TRIB2: variants seen among roughly 807,000 people sequenced by gnomAD.
The protein encoded by TRIB2 is tribbles pseudokinase 2.
In TRIB2, 2 loss-of-function variants were observed where a neutral mutation model predicts 26.8. The observed-to-expected ratio is 0.07, with a 90% confidence interval of 0.03 to 0.24. The LOEUF (loss-of-function observed/expected upper bound fraction) is 0.24. TRIB2 is among the 10% of genes least tolerant of loss of function. The pLI, the probability that TRIB2 is intolerant of heterozygous loss-of-function variation, is 1.00. For missense variants in TRIB2, 306 were observed against 449.0 expected (o/e 0.68, Z 2.88); for synonymous variants, 189 against 187.3 (o/e 1.01, Z -0.08).
intron 2 of TRIB2, among the ~76,000 whole-genome samples, chr2:12,728,391 C>G (rs559214116): frequency 6.6e-6 from 1 of 152,034 alleles, no homozygotes; most frequent in African/African-American, 2.4e-5. Flanking sequence ...TGCGAAGAGC[C>G]CTTTGAGCAG....
chr2:12,718,314 A>T lies in TRIB2; in HGVS notation c.7A>T (p.Ile3Leu), dbSNP rs751185195. ...GTGTGCGATCCTCACACTCATGAAC[A>T]TACACAGGTCTACCCCCATCACAAT... MN[I>L]HRSTPITIAR... The change falls in exon 1 of 3, where the codon ATA (isoleucine) becomes TTA (leucine). Residue 3 changes from isoleucine to leucine, a missense_variant. Transcript: ENST00000155926. The surrounding 1 kb of genome is among the most constrained non-coding windows in gnomAD (Gnocchi z 4.0). The T allele has an allele frequency of 1.2e-6, 2 of 1,613,788 alleles. No individual in the cohort carries two copies. The highest frequency in any genetic ancestry group is 2.7e-5 in the African/African-American group (2 of 75,014).
intron 2 of TRIB2, among the ~76,000 whole-genome samples, chr2:12,726,872 C>G (rs1015553225): frequency 6.6e-6 from 1 of 152,222 alleles, no homozygotes; most frequent in African/African-American, 2.4e-5. Flanking sequence ...TGCCTATGGG[C>G]TGACTCCTTG....
intron 2 of TRIB2, among the ~76,000 whole-genome samples, chr2:12,729,798 C>G (rs558640928): frequency 6.6e-6 from 1 of 152,116 alleles, no homozygotes; most frequent in Non-Finnish European, 1.5e-5. Flanking sequence ...TCAAGCAAAC[C>G]AAGCAGAGGC....
At chr2:12,719,229 C>A (rs1489055108) in intron 1 of TRIB2, among the ~76,000 whole-genome samples, 1 of 152,080 alleles carries the variant, frequency 6.6e-6, no homozygotes, top group Non-Finnish European at 1.5e-5. Context: ...GGTCTCTCTC[C>A]CCATCTCTAG....
chr2:12,732,438 A>C lies in TRIB2; in HGVS notation c.564-7888A>C, dbSNP rs1052146541. Among the ~76,000 whole-genome samples the C allele has an allele frequency of 6.6e-6, 1 of 152,108 alleles. No individual in the cohort carries two copies. Among genetic ancestry groups the C allele is most frequent in the African/African-American group, 2.4e-5 (1 of 41,416 alleles). On this transcript the variant is annotated intron_variant, in intron 2 of 2. Coordinates refer to ENST00000155926, the MANE Select transcript of TRIB2 (RefSeq NM_021643.4). The surrounding 1 kb of genome is among the most constrained non-coding windows in gnomAD (Gnocchi z 4.2). ...TTGTGTGGTGTTGTAAGGTCACAAGAGGCATATTCTCTCCCTATAGACATC... is the reference window on the plus strand; with the variant it reads ...TTGTGTGGTGTTGTAAGGTCACAAGCGGCATATTCTCTCCCTATAGACATC...
chr2:12,728,289 C>T (rs1661376712), intron 2 of TRIB2, among the ~76,000 whole-genome samples: 1 of 151,958 alleles, frequency 6.6e-6, no homozygotes, highest in Non-Finnish European at 1.5e-5. Context: ...CACAGTCAGC[C>T]ATCAGCAGAC....
intron 2 of TRIB2, among the ~76,000 whole-genome samples, chr2:12,724,138 A>G (rs1049614792): frequency 1.3e-5 from 2 of 152,164 alleles, no homozygotes; most frequent in Admixed American, 6.5e-5. Flanking sequence ...TTGGAGAGTC[A>G]AGGAAGGTTT....
chr2:12,735,202 A>G (rs965475609), intron 2 of TRIB2, among the ~76,000 whole-genome samples: 3 of 151,486 alleles, frequency 2.0e-5, no homozygotes, highest in Non-Finnish European at 4.4e-5. Context: ...ACAAGTTCAC[A>G]GTGTTCTGAG....
chr2:12,731,226 T>C (rs1661446539), intron 2 of TRIB2, among the ~76,000 whole-genome samples: 1 of 152,046 alleles, frequency 6.6e-6, no homozygotes, highest in African/African-American at 2.4e-5. Context: ...AGTGCTGTAG[T>C]AGGGATGGGG....
chr2:12,735,674 G>A (rs6719048), intron 2 of TRIB2, among the ~76,000 whole-genome samples: 39,249 of 152,046 alleles, frequency 0.26, 7,133 homozygotes, highest in African/African-American at 0.51. Context: ...GACATCTGCC[G>A]TTTGGTACTT....
In TRIB2 at chr2:12,741,521, G is replaced by A. The variant is rs1661712708; in HGVS notation, c.*727G>A. 6.6e-6 allele frequency: 1 copy of A among 152,248 alleles called. No homozygotes were observed. The highest frequency in any genetic ancestry group is 1.5e-5 in the Non-Finnish European group (1 of 68,042). The allele number at this position is 152,248 out of a possible 1,614,324, so 9.4% of individuals were successfully genotyped here. On this transcript the variant is annotated 3_prime_UTR_variant, in exon 3 of 3. Coordinates refer to ENST00000155926, the MANE Select transcript of TRIB2 (RefSeq NM_021643.4). ...GGCAGGAAGCTATTAGAAGTCAAAC[G>A]TCCAGATGCATTACTGCTATCTTAG...
chr2:12,718,266 C>T lies in TRIB2; in HGVS notation c.-42C>T. The stretch of plus-strand genomic sequence containing the variant: ...CGCACTCGCCAGCGACTCATCTCTC[C>T]AGCGGGTTTTTTTTTGTTTGTCGTG... On this transcript the variant is annotated 5_prime_UTR_variant, in exon 1 of 3. Coordinates refer to ENST00000155926, the MANE Select transcript of TRIB2 (RefSeq NM_021643.4). This position sits in a 1 kb window ranked among gnomAD's most constrained non-coding sequence, Gnocchi z 4.0. 1.3e-6 allele frequency: 2 copies of T among 1,590,722 alleles called. No individual in the cohort carries two copies. Among genetic ancestry groups the T allele is most frequent in the East Asian group, 4.5e-5 (2 of 44,496 alleles).
chr2:12,731,211 G>A (rs1354302719), intron 2 of TRIB2, among the ~76,000 whole-genome samples: 6 of 152,164 alleles, frequency 3.9e-5, no homozygotes, highest in Admixed American at 3.9e-4. Context: ...CACGAGGTTG[G>A]CTTGAGTGCT....
rs575567873 is a variant in TRIB2 at position 12,733,145 on chromosome 2, T to G, written c.564-7181T>G. 9.2e-5 allele frequency among the ~76,000 whole-genome samples: 14 copies of G among 152,256 alleles called. No homozygotes were observed. In the South Asian group the frequency reaches 2.9e-3, roughly 32 times the overall value. ...CTAAACTTGGAGTTAAAAACCGGGG[T>G]TTGAATCCCAGCTCTGTCACTGGCT... On this transcript the variant is annotated intron_variant, in intron 2 of 2. Coordinates refer to ENST00000155926, the MANE Select transcript of TRIB2 (RefSeq NM_021643.4).
chr2:12,723,196 A>G (rs1661263137), intron 1 of TRIB2, 64 bp from the exon 2 acceptor site: 2 of 1,536,680 alleles, frequency 1.3e-6, no homozygotes, highest in Admixed American at 1.8e-5. Flanking sequence ...GAGGTGCAGC[A>G]TTATGTGTTT....
At chr2:12,733,690 T>A (rs1189549937) in intron 2 of TRIB2, among the ~76,000 whole-genome samples, 21 of 152,206 alleles carry the variant, frequency 1.4e-4, no homozygotes, top group Admixed American at 1.4e-3. Flanking sequence ...TGTGTTGTAA[T>A]CACTAGAGCT....
chr2:12,731,310 C>G (rs111652127), intron 2 of TRIB2, among the ~76,000 whole-genome samples: 1 of 151,836 alleles, frequency 6.6e-6, no homozygotes, highest in African/African-American at 2.4e-5. Flanking sequence ...GCTGGAGGGT[C>G]CCCTGTGCCA....
At chr2:12,738,778 GA>G (rs1661642746) in intron 2 of TRIB2, among the ~76,000 whole-genome samples, 1 of 152,134 alleles carries the variant, frequency 6.6e-6, no homozygotes, top group African/African-American at 2.4e-5. Context: ...CCATAGCCTT[GA>G]ACAAGTCACC....
chr2:12,739,010 T>C (rs996742578), intron 2 of TRIB2, among the ~76,000 whole-genome samples: 1 of 152,098 alleles, frequency 6.6e-6, no homozygotes, highest in Non-Finnish European at 1.5e-5. Flanking sequence ...TCAGCAACCA[T>C]GATGGACCTT....
Sources: gnomAD v4.1 joint callset for allele counts (sites outside exome capture counted in the v4.1 genomes callset) on GRCh38, gnomAD v4.1.1 for gene constraint, Gnocchi (gnomAD v3.1) non-coding constraint, MANE v1.5 for transcripts, NCBI Gene and HGNC (gene_info 2026-07-23, HGNC 2026-07-21) for gene names.